The following GNAL variants were observed in gnomAD, a reference collection of about 807,000 sequenced individuals.
GNAL encodes the protein guanine nucleotide-binding protein G(olf) subunit alpha.
In GNAL, 18 loss-of-function variants were observed where a neutral mutation model predicts 55.1. The observed-to-expected ratio is 0.33, with a 90% CI of 0.23 to 0.48. GNAL has a LOEUF of 0.48. Among genes scored for constraint, GNAL ranks in the 20% least tolerant of loss-of-function variants. GNAL has a pLI of 0.99. For missense variants in GNAL, 412 were observed against 614.1 expected, an observed-to-expected ratio of 0.67 and a Z score of 3.48; for synonymous variants, 253 against 237.0, an observed-to-expected ratio of 1.07 and a Z score of -0.62.
Position 11,751,097 on chromosome 18 carries a change from A to C in GNAL, c.377-1756A>C, listed in dbSNP as rs1568009292. The stretch of plus-strand genomic sequence containing the variant: ...GAGGCACTCGACGACAGAGCTGAGC[A>C]AAGGCAAGTTAGACAGCGCAGCGCC... On this transcript the variant is annotated intron_variant, in intron 1 of 11. Transcript: ENST00000334049. The surrounding 1 kb of genome is among the most constrained non-coding windows in gnomAD (Gnocchi z 4.5). 6.6e-6 allele frequency among the ~76,000 whole-genome samples: 1 copy of C among 152,152 alleles called. No individual in the cohort carries two copies. The highest frequency in any genetic ancestry group is 1.9e-4 in the East Asian group (1 of 5,186).
chr18:11,720,630 G>A (rs2032072810), intron 1 of GNAL, among the ~76,000 whole-genome samples: 1 of 152,164 alleles, frequency 6.6e-6, no homozygotes, highest in African/African-American at 2.4e-5. Flanking sequence ...CTGCCTTCTG[G>A]CATTGCATAA....
chr18:11,703,795 GCACACACACACACA>G (rs35455680), intron 1 of GNAL, among the ~76,000 whole-genome samples: 7 of 141,410 alleles, frequency 5.0e-5, no homozygotes, highest in East Asian at 2.1e-4. Flanking sequence ...GTGTTGATGG[GCACACACACACACA>G]CACACACACA....
chr18:11,733,388 A>AGTGAG (rs754910197), intron 1 of GNAL, among the ~76,000 whole-genome samples: 1 of 152,164 alleles, frequency 6.6e-6, no homozygotes, highest in Non-Finnish European at 1.5e-5. Context: ...GAAACTGGGG[A>AGTGAG]GTGAGGCCAG....
chr18:11,788,278 A>G (rs933804441), intron 4 of GNAL, among the ~76,000 whole-genome samples: 1 of 152,192 alleles, frequency 6.6e-6, no homozygotes, highest in Non-Finnish European at 1.5e-5. Context: ...TAGCTCCCCA[A>G]AGGCTTCTAA....
chr18:11,761,325 C>T (rs1163836094), intron 4 of GNAL, among the ~76,000 whole-genome samples: 2 of 152,136 alleles, frequency 1.3e-5, no homozygotes, highest in Admixed American at 1.3e-4. Context: ...GAAGTGAGGC[C>T]CCTGACTGCT....
At chr18:11,758,733 C>T (rs541644494) in intron 4 of GNAL, among the ~76,000 whole-genome samples, 147 of 152,338 alleles carry the variant, frequency 9.6e-4, no homozygotes, top group African/African-American at 3.3e-3. Context: ...TTGTTCAAGG[C>T]TTGACTCCCC....
At chr18:11,716,468 T>C (rs1486799885) in intron 1 of GNAL, among the ~76,000 whole-genome samples, 1 of 152,120 alleles carries the variant, frequency 6.6e-6, no homozygotes, top group Non-Finnish European at 1.5e-5. Flanking sequence ...ACAGCTTCCA[T>C]GGTGTGGAAG....
At chr18:11,711,549 G>A (rs1449751590) in intron 1 of GNAL, among the ~76,000 whole-genome samples, 1 of 152,020 alleles carries the variant, frequency 6.6e-6, no homozygotes. Context: ...TTTACAATTT[G>A]TGTTTTGTTC....
At chr18:11,773,531 C>T (rs546741328) in intron 4 of GNAL, among the ~76,000 whole-genome samples, 6 of 152,196 alleles carry the variant, frequency 3.9e-5, no homozygotes, top group East Asian at 1.9e-4. Context: ...TTGGGGAGTC[C>T]GAGGTTGGAG....
chr18:11,832,886 A>T (rs562352669), intron 5 of GNAL, among the ~76,000 whole-genome samples: 1 of 152,128 alleles, frequency 6.6e-6, no homozygotes, highest in Middle Eastern at 3.4e-3. Context: ...ATAAATAAAA[A>T]TTTTAAAAAA....
intron 5 of GNAL, chr18:11,857,242 T>C (rs1476182203): frequency 6.6e-6 from 1 of 152,592 alleles, no homozygotes; most frequent in Non-Finnish European, 1.5e-5. Flanking sequence ...CAGCATGCCA[T>C]GCTCACCAAA....
intron 1 of GNAL, among the ~76,000 whole-genome samples, chr18:11,748,806 C>T (rs974341801): frequency 6.6e-6 from 1 of 151,942 alleles, no homozygotes. Context: ...CTACTCTATG[C>T]TTTTTTCAAA....
chr18:11,858,056 A>G (rs2036049555), intron 5 of GNAL, among the ~76,000 whole-genome samples: 1 of 152,214 alleles, frequency 6.6e-6, no homozygotes, highest in South Asian at 2.1e-4. Context: ...AAGGCATTTA[A>G]CAGAATAGTT....
intron 4 of GNAL, among the ~76,000 whole-genome samples, chr18:11,765,760 T>A (rs1245134106): frequency 1.3e-5 from 2 of 152,250 alleles, no homozygotes; most frequent in Non-Finnish European, 2.9e-5. Context: ...CACTGCTGAA[T>A]AATATTCCAT....
intron 5 of GNAL, among the ~76,000 whole-genome samples, chr18:11,846,695 A>G (rs1396698792): frequency 6.6e-6 from 1 of 151,658 alleles, no homozygotes; most frequent in Non-Finnish European, 1.5e-5. Context: ...TGTTGTTAAC[A>G]TATTTTGAGG....
chr18:11,787,906 G>A (rs1163746630), intron 4 of GNAL, among the ~76,000 whole-genome samples: 1 of 151,536 alleles, frequency 6.6e-6, no homozygotes, highest in Non-Finnish European at 1.5e-5. Flanking sequence ...CTGCTTAATA[G>A]GATCATGGGC....
chr18:11,713,331 G>A (rs1345313759), intron 1 of GNAL, among the ~76,000 whole-genome samples: 1 of 152,216 alleles, frequency 6.6e-6, no homozygotes, highest in Non-Finnish European at 1.5e-5. Context: ...GAGGCTGTTG[G>A]CGTGGGGAAG....
At chr18:11,762,626 G>A (rs535928120) in intron 4 of GNAL, among the ~76,000 whole-genome samples, 30 of 152,318 alleles carry the variant, frequency 2.0e-4, no homozygotes, top group African/African-American at 5.3e-4. Flanking sequence ...CTTCCCTGCA[G>A]ACCAAAAGCC....
chr18:11,739,747 G>C (rs1278975202), intron 1 of GNAL, among the ~76,000 whole-genome samples: 2 of 151,784 alleles, frequency 1.3e-5, no homozygotes, highest in Non-Finnish European at 2.9e-5. Flanking sequence ...TCCTTCCCGG[G>C]GTCTCACCTG....
Sources: allele counts gnomAD v4.1 joint callset (sites outside exome capture counted in the v4.1 genomes callset), GRCh38; gene constraint gnomAD v4.1.1; non-coding constraint Gnocchi (gnomAD v3.1); transcripts MANE v1.5; gene names NCBI Gene and HGNC (gene_info 2026-07-23, HGNC 2026-07-21).